Variants in FNDC3B observed in about 807,000 individuals in gnomAD.
The protein encoded by FNDC3B is fibronectin type III domain-containing protein 3B.
FNDC3B carries 12 observed loss-of-function variants against 151.5 expected under a neutral mutation model. The observed-to-expected ratio is 0.08, with a 90% CI of 0.05 to 0.13. The LOEUF is 0.13. FNDC3B is among the 10% of genes least tolerant of loss of function. The pLI, the probability that FNDC3B is intolerant of heterozygous loss-of-function variation, is 1.00. For synonymous variants in FNDC3B, 528 were observed against 549.0 expected (o/e 0.96, Z 0.54); for missense variants, 1,214 against 1,505.3 (o/e 0.81, Z 3.20).
intron 3 of FNDC3B, among the ~76,000 whole-genome samples, chr3:172,167,170 C>T (rs1471678237): frequency 2.6e-5 from 4 of 152,170 alleles, no homozygotes; most frequent in Admixed American, 6.5e-5. Context: ...CTGAGGCGGG[C>T]GGATCACCTG....
chr3:172,155,513 A>G (rs889816121), intron 3 of FNDC3B, among the ~76,000 whole-genome samples: 2 of 152,216 alleles, frequency 1.3e-5, no homozygotes, highest in African/African-American at 4.8e-5. Flanking sequence ...TTTCCTGCAT[A>G]GCCTCAAGTC....
At chr3:172,092,613 C>A (rs993340146) in intron 1 of FNDC3B, among the ~76,000 whole-genome samples, 3 of 152,174 alleles carry the variant, frequency 2.0e-5, no homozygotes, top group African/African-American at 7.2e-5. Flanking sequence ...TAAGGATTCT[C>A]TGTAGAGGTT....
intron 3 of FNDC3B, among the ~76,000 whole-genome samples, chr3:172,181,126 T>TGTGGC (rs1290611503): frequency 2.8e-5 from 1 of 35,304 alleles, no homozygotes; most frequent in East Asian, 5.8e-4. Flanking sequence ...CCTGGTGTGG[T>TGTGGC]GGCTCATGCC....
chr3:172,380,830 G>A, intron 24 of FNDC3B, 136 bp from the exon 25 acceptor site: 3 of 930,108 alleles, frequency 3.2e-6, no homozygotes, highest in Admixed American at 4.2e-5. Context: ...TGAGAGGCTG[G>A]GCAAATCAGC....
chr3:172,182,314 G>T (rs1018516425), intron 3 of FNDC3B, among the ~76,000 whole-genome samples: 3 of 152,200 alleles, frequency 2.0e-5, no homozygotes, highest in African/African-American at 7.2e-5. Flanking sequence ...GCTGTCCGGG[G>T]TCTTCTCACA....
Position 172,295,375 on chromosome 3 carries a change from C to A in FNDC3B, c.862C>A (p.Gln288Lys). The change falls in exon 8 of 26, where the codon CAG (glutamine) becomes AAG (lysine). Residue 288 changes from glutamine to lysine, a missense_variant. Physicochemically the swap from Gln to Lys is moderately conservative, Grantham distance 53. This residue lies in a region of FNDC3B where 156 missense variants were observed against 225.3 expected (regional missense o/e 0.69). Transcript: ENST00000415807. ...TTTTCTTCCTCAGGTTTCTAATATT[C>A]AGGCAAGAGCAGTTGTGTTGTCCTG... is the stretch of plus-strand genomic sequence containing the variant. ...GIEKPQVSNI[Q>K]ARAVVLSWAP... 1 of 1,605,792 alleles carries A rather than the reference C, an allele frequency of 6.2e-7. No individual in the cohort carries two copies. Among genetic ancestry groups the A allele is most frequent in the Non-Finnish European group, 8.5e-7 (1 of 1,177,796 alleles).
At chr3:172,130,007 G>T (rs1379537796) in intron 2 of FNDC3B, among the ~76,000 whole-genome samples, 1 of 151,414 alleles carries the variant, frequency 6.6e-6, no homozygotes, top group Non-Finnish European at 1.5e-5. Flanking sequence ...AGGGAGGGAG[G>T]GGGAGAGAGA....
chr3:172,216,738 A>C (rs73025491), intron 3 of FNDC3B, among the ~76,000 whole-genome samples: 12,318 of 152,188 alleles, frequency 0.081, 822 homozygotes, highest in African/African-American at 0.19. Context: ...GCCTAAGTAA[A>C]TTATGTTTCA....
intron 24 of FNDC3B, among the ~76,000 whole-genome samples, chr3:172,380,589 A>G (rs1200718445): frequency 6.6e-6 from 1 of 151,966 alleles, no homozygotes; most frequent in Non-Finnish European, 1.5e-5. Flanking sequence ...CCTTCCTTCA[A>G]CTAACTCTTA....
At chr3:172,347,858 G>A (rs539930072) in intron 21 of FNDC3B, among the ~76,000 whole-genome samples, 1 of 152,326 alleles carries the variant, frequency 6.6e-6, no homozygotes, top group East Asian at 1.9e-4. Flanking sequence ...ATCAAGGCTG[G>A]TTATCTATAA....
chr3:172,347,374 T>TATTC lies in FNDC3B; in HGVS notation c.2514+15_2514+18dup. ...CTGTAGACTACAGGTAGGTTGACATTATTCAGATGTTACTCACAAGGACTG... is the reference window on the plus strand; with the variant it reads ...CTGTAGACTACAGGTAGGTTGACATTATTCATTCAGATGTTACTCACAAGGACTG... On this transcript the variant is annotated intron_variant, in intron 21 of 25. Transcript: ENST00000415807. 6.2e-7 allele frequency: 1 copy of TATTC among 1,603,044 alleles called. No homozygotes were observed. The highest frequency in any genetic ancestry group is 8.5e-7 in the Non-Finnish European group (1 of 1,173,884).
intron 3 of FNDC3B, among the ~76,000 whole-genome samples, chr3:172,178,056 T>C (rs1560003325): frequency 6.6e-6 from 1 of 152,190 alleles, no homozygotes; most frequent in Non-Finnish European, 1.5e-5. Flanking sequence ...TGCATAGTAT[T>C]CCATGGTGTC....
At chr3:172,359,089 C>G (rs905250876) in intron 22 of FNDC3B, among the ~76,000 whole-genome samples, 3 of 150,678 alleles carry the variant, frequency 2.0e-5, no homozygotes, top group African/African-American at 2.4e-5. Flanking sequence ...GATTAGAGAA[C>G]CCTAGAGCTA....
At chr3:172,135,969 AT>A (rs1432788276) in intron 3 of FNDC3B, among the ~76,000 whole-genome samples, 1 of 152,278 alleles carries the variant, frequency 6.6e-6, no homozygotes, top group African/African-American at 2.4e-5. Context: ...CATCTCTACC[AT>A]TGCTAACATT....
At position 172,283,559 on chromosome 3, in the gene FNDC3B, C is replaced by T. The variant is rs12488649; in HGVS notation, c.791-2367C>T. ...TGCCTTTCTAAGATAATCTAAATGC[C>T]TTCTTCATAGCAAGAGGAAACAGTT... On this transcript the variant is annotated intron_variant, in intron 6 of 25. Coordinates refer to ENST00000415807, the MANE Select transcript of FNDC3B (RefSeq NM_022763.4). Among the ~76,000 whole-genome samples, 526 of 152,218 alleles carry T rather than the reference C, an allele frequency of 3.5e-3. 2 individuals are homozygous for T. Among genetic ancestry groups the T allele is most frequent in the Middle Eastern group, 0.017 (5 of 294 alleles).
At chr3:172,239,962 G>A (rs1392198362) in intron 4 of FNDC3B, among the ~76,000 whole-genome samples, 1 of 138,474 alleles carries the variant, frequency 7.2e-6, no homozygotes. Context: ...TCCGCCTCCT[G>A]GGTTCACACC....
intron 3 of FNDC3B, chr3:172,186,722 G>A: frequency 2.8e-6 from 2 of 702,540 alleles, no homozygotes; most frequent in Non-Finnish European, 5.2e-6. Flanking sequence ...ATGAAGTGGT[G>A]AAGAGAGCCT....
intron 11 of FNDC3B, among the ~76,000 whole-genome samples, chr3:172,326,450 T>C (rs891148137): frequency 6.6e-6 from 1 of 152,224 alleles, no homozygotes; most frequent in East Asian, 1.9e-4. Flanking sequence ...GCTTTGTCTA[T>C]ATGGGTTGTA....
chr3:172,307,342 CTG>C lies in FNDC3B; in HGVS notation c.1062-17_1062-16del, dbSNP rs771893639. On this transcript the variant is annotated intron_variant, in intron 9 of 25. Coordinates refer to ENST00000415807, the MANE Select transcript of FNDC3B (RefSeq NM_022763.4). ...TTCTATGATGAGTCACTGCCACTGA[CTG>C]TGTCTGTTTTGTTTTCAGGGTGTAT... The C allele has an allele frequency of 1.2e-6, 2 of 1,613,760 alleles. No individual in the cohort carries two copies. Among genetic ancestry groups the C allele is most frequent in the Admixed American group, 1.7e-5 (1 of 60,020 alleles).
Sources: allele counts gnomAD v4.1 joint callset (sites outside exome capture counted in the v4.1 genomes callset), GRCh38; gene constraint gnomAD v4.1.1; regional missense constraint gnomAD v4.1.1; transcripts MANE v1.5; gene names NCBI Gene and HGNC (gene_info 2026-07-23, HGNC 2026-07-21).